The following MACROD2 variants were observed in gnomAD, a reference collection of about 807,000 sequenced individuals.
MACROD2 encodes the protein ADP-ribose glycohydrolase MACROD2.
MACROD2 carries 36 observed loss-of-function variants against 70.4 expected under a neutral mutation model. The ratio of observed to expected loss-of-function variants is 0.51; its 90% CI spans 0.39 to 0.68. The LOEUF is 0.68. Ranked by LOEUF, MACROD2 falls within the 30% of genes least tolerant of loss-of-function variation. MACROD2 has a pLI of 0.00. For missense variants in MACROD2, 496 were observed against 538.4 expected (o/e 0.92, Z 0.78); for synonymous variants, 172 against 178.8 (o/e 0.96, Z 0.30).
intron 4 of MACROD2, among the ~76,000 whole-genome samples, chr20:14,503,575 C>T (rs1442341244): frequency 2.6e-5 from 4 of 152,138 alleles, no homozygotes; most frequent in South Asian, 2.1e-4. Flanking sequence ...AATATTGGGA[C>T]GTTCTCCAGG....
chr20:14,945,217 A>T (rs1351301753), intron 5 of MACROD2, among the ~76,000 whole-genome samples: 2 of 151,660 alleles, frequency 1.3e-5, no homozygotes, highest in Non-Finnish European at 2.9e-5. Context: ...TCCCAGGTTC[A>T]AGCGATTCTC....
At chr20:14,352,370 T>A (rs2083131272) in intron 3 of MACROD2, 1 of 152,136 alleles carries the variant, frequency 6.6e-6, no homozygotes, top group Admixed American at 6.5e-5. Flanking sequence ...TAGAGAAGAT[T>A]AGAATGGCCC....
chr20:15,712,233 C>T (rs35911320), intron 8 of MACROD2, among the ~76,000 whole-genome samples: 14,183 of 152,238 alleles, frequency 0.093, 1,099 homozygotes, highest in African/African-American at 0.2. Flanking sequence ...GGTTGTACTG[C>T]GTCTTTCTCA....
At chr20:14,147,915 A>G (rs1209405286) in intron 3 of MACROD2, among the ~76,000 whole-genome samples, 2 of 152,156 alleles carry the variant, frequency 1.3e-5, no homozygotes, top group Non-Finnish European at 2.9e-5. Context: ...TGTCTGAAAA[A>G]AAAAGTGACT....
chr20:14,086,324 A>T, intron 3 of MACROD2: 1 of 254,148 alleles, frequency 3.9e-6, no homozygotes, highest in Non-Finnish European at 8.2e-6. Flanking sequence ...ATATTTTATT[A>T]TGTGGCTATA....
chr20:16,033,461 C>G (rs1478685957), intron 15 of MACROD2, among the ~76,000 whole-genome samples: 2 of 151,948 alleles, frequency 1.3e-5, no homozygotes, highest in Non-Finnish European at 2.9e-5. Flanking sequence ...ATGAATGATA[C>G]CCCAGAGGAG....
intron 8 of MACROD2, among the ~76,000 whole-genome samples, chr20:15,774,767 T>C (rs1446455666): frequency 6.6e-6 from 1 of 151,990 alleles, no homozygotes; most frequent in Non-Finnish European, 1.5e-5. Context: ...ATATTTTGCA[T>C]GACAGCAGTA....
chr20:14,271,828 C>T (rs367774877), intron 3 of MACROD2, among the ~76,000 whole-genome samples: 31 of 152,018 alleles, frequency 2.0e-4, no homozygotes, highest in East Asian at 1.5e-3. Flanking sequence ...AACCAAGGCT[C>T]GAGAACTACG....
chr20:14,321,272 G>A (rs1208138657), intron 3 of MACROD2, among the ~76,000 whole-genome samples: 1 of 152,058 alleles, frequency 6.6e-6, no homozygotes, highest in Non-Finnish European at 1.5e-5. Flanking sequence ...GGCTGAGGCA[G>A]GAGAATCGCT....
intron 1 of MACROD2, among the ~76,000 whole-genome samples, chr20:13,999,282 C>G (rs192366720): frequency 6.6e-6 from 1 of 152,156 alleles, no homozygotes; most frequent in African/African-American, 2.4e-5. Flanking sequence ...TAGGGCTTCA[C>G]GTGAACTTGG....
intron 3 of MACROD2, among the ~76,000 whole-genome samples, chr20:14,218,706 G>A (rs1339640100): frequency 2.0e-5 from 3 of 152,146 alleles, no homozygotes; most frequent in Non-Finnish European, 4.4e-5. Flanking sequence ...GCAACTTTTA[G>A]CAGTTCTTGT....
intron 7 of MACROD2, among the ~76,000 whole-genome samples, chr20:15,448,428 T>G (rs1382510191): frequency 6.6e-6 from 1 of 152,160 alleles, no homozygotes; most frequent in Non-Finnish European, 1.5e-5. Context: ...TGGTGTTACA[T>G]GGCTGTCCTT....
intron 3 of MACROD2, among the ~76,000 whole-genome samples, chr20:14,417,927 A>G (rs1010975415): frequency 3.3e-5 from 5 of 152,208 alleles, no homozygotes; most frequent in Admixed American, 3.3e-4. Flanking sequence ...GGATTTTAGA[A>G]ATTATAATAA....
chr20:15,485,779 A>G (rs1413909302), intron 7 of MACROD2, among the ~76,000 whole-genome samples: 3 of 152,204 alleles, frequency 2.0e-5, no homozygotes, highest in Non-Finnish European at 4.4e-5. Context: ...GAAATGGTAC[A>G]TGCATCACTT....
chr20:14,254,840 A>G (rs1161400091), intron 3 of MACROD2, among the ~76,000 whole-genome samples: 1 of 151,998 alleles, frequency 6.6e-6, no homozygotes, highest in East Asian at 1.9e-4. Context: ...CCTAGCCTCG[A>G]TGGTCTTTAC....
chr20:15,628,361 C>G (rs923707909), intron 8 of MACROD2, among the ~76,000 whole-genome samples: 1 of 152,188 alleles, frequency 6.6e-6, no homozygotes, highest in Admixed American at 6.5e-5. Flanking sequence ...GGCCATATTG[C>G]TAGCAATCTG....
At chr20:14,377,805 C>A (rs1194695395) in intron 3 of MACROD2, among the ~76,000 whole-genome samples, 1 of 152,142 alleles carries the variant, frequency 6.6e-6, no homozygotes, top group Non-Finnish European at 1.5e-5. Flanking sequence ...ATTCACTTTT[C>A]TGTGGATCTG....
intron 7 of MACROD2, among the ~76,000 whole-genome samples, chr20:15,491,169 T>A (rs563393704): frequency 1.3e-5 from 2 of 152,280 alleles, no homozygotes; most frequent in African/African-American, 4.8e-5. Context: ...GTGAGCCAGG[T>A]GTGCATGCCA....
intron 15 of MACROD2, among the ~76,000 whole-genome samples, chr20:16,024,096 C>T (rs149246472): frequency 1.1e-3 from 174 of 152,220 alleles, no homozygotes; most frequent in South Asian, 1.7e-3. Flanking sequence ...GTCTTAATTG[C>T]GGCATTGATT....
Sources: gnomAD v4.1 joint callset for allele counts (sites outside exome capture counted in the v4.1 genomes callset) on GRCh38, gnomAD v4.1.1 for gene constraint, MANE v1.5 for transcripts, NCBI Gene and HGNC (gene_info 2026-07-23, HGNC 2026-07-21) for gene names.